Variants in SCAMP3 observed in about 807,000 individuals in gnomAD.
SCAMP3 encodes the protein secretory carrier membrane protein 3.
Under a neutral mutation model 44.1 loss-of-function variants are expected in SCAMP3, and 30 were observed. The observed-to-expected ratio is 0.68, with a 90% CI of 0.51 to 0.92. The LOEUF is 0.92. SCAMP3 is among the 40% of genes least tolerant of loss of function. The probability of loss-of-function intolerance (pLI) is 0.00; values close to 1 mark genes in which losing one functional copy is unlikely to be tolerated. For missense variants in SCAMP3, 394 were observed against 440.0 expected (o/e 0.90, Z 0.93); for synonymous variants, 168 against 171.1 (o/e 0.98, Z 0.14).
rs141316726 is a variant in SCAMP3 at position 155,262,136 on chromosome 1, C to T, written c.16G>A (p.Asp6Asn). MAQSRDGGNPFAEPSE... is the reference protein window; with the variant it reads MAQSRNGGNPFAEPSE... ...GGCTCGGCGAACGGGTTTCCGCCGT[C>T]TCTGCTCTGAGCCATGTTTGCAACT... The change falls in exon 1 of 9, where the codon GAC becomes AAC. Residue 6 changes from aspartate (D) to asparagine (N), a missense_variant. Coordinates refer to ENST00000302631, the MANE Select transcript of SCAMP3 (RefSeq NM_005698.4). 19,412 of 1,613,908 alleles carry T rather than the reference C, an allele frequency of 0.012. 148 individuals carry two copies. Among genetic ancestry groups the T allele is most frequent in the Non-Finnish European group, 0.015 (17,242 of 1,179,988 alleles).
rs527408284 is a variant in SCAMP3, at chr1:155,260,200, C to G, written c.388+130G>C. The G allele has an allele frequency of 2.7e-6, 3 of 1,098,160 alleles. No homozygotes were observed. In the African/African-American group the frequency reaches 4.7e-5, roughly 17 times the overall value. The allele number at this position is 1,098,160 out of a possible 1,614,324, so 68.0% of individuals were successfully genotyped here. ...GTCTCGATCTCTTGACCTCGTGATC[C>G]GCCCACCTCAGCCTCCCAAAGTGCT... On this transcript the variant is annotated intron_variant, in intron 4 of 8. Transcript: ENST00000302631.
Position 155,260,590 on chromosome 1 carries a change from A to C in SCAMP3, c.214T>G (p.Ser72Ala). The C allele has an allele frequency of 6.2e-7, 1 of 1,614,070 alleles. No individual in the cohort carries two copies. Among genetic ancestry groups the C allele is most frequent in the Non-Finnish European group, 8.5e-7 (1 of 1,180,002 alleles). ...GGTTCTGTGGGGCTGAGCTTTCTCG[A>C]GGGCTGCAAGGAGGGAGCTGAGGGT... is the stretch of plus-strand genomic sequence containing the variant. ...PPPSAPSLQP[S>A]RKLSPTEPKN... Residue 72 changes from serine to alanine, a missense_variant, in exon 3 of 9, where the codon TCG becomes GCG. Coordinates refer to ENST00000302631, the MANE Select transcript of SCAMP3 (RefSeq NM_005698.4).
intron 4 of SCAMP3, 71 bp from the exon 5 acceptor site, chr1:155,259,025 C>T: frequency 1.6e-6 from 2 of 1,244,314 alleles, no homozygotes; most frequent in Non-Finnish European, 2.2e-6. Context: ...ACTCCCCCTT[C>T]TCTCCATCCC....
chr1:155,256,222 G>T lies in SCAMP3; in HGVS notation c.*51C>A. ...CAAGTCCCAGAGACCTTAGGGACGG[G>T]AGCTAAGTCAGCTCCCTCAAGTAGC... On this transcript the variant is annotated 3_prime_UTR_variant, in exon 9 of 9. Coordinates refer to ENST00000302631, the MANE Select transcript of SCAMP3 (RefSeq NM_005698.4). 1.3e-6 allele frequency: 2 copies of T among 1,508,166 alleles called. No individual in the cohort carries two copies. Among genetic ancestry groups the T allele is most frequent in the Non-Finnish European group, 1.8e-6 (2 of 1,125,368 alleles). 93.4% of individuals were successfully genotyped at this position (1,508,166 alleles called of 1,614,324 possible).
chr1:155,257,742 C>A (rs1380947682), intron 5 of SCAMP3, 85 bp from the exon 6 acceptor site: 3 of 1,300,498 alleles, frequency 2.3e-6, no homozygotes, highest in Non-Finnish European at 2.1e-6. Context: ...ATAATATTCA[C>A]CAAACATGGC....
Position 155,261,664 on chromosome 1 carries a change from G to A in SCAMP3, c.137C>T (p.Thr46Ile). 6.2e-7 allele frequency: 1 copy of A among 1,613,966 alleles called. No individual in the cohort carries two copies. The highest frequency in any genetic ancestry group is 8.5e-7 in the Non-Finnish European group (1 of 1,179,902). ...TGCTCTCCAGTAGCTCACCTCCCGG[G>A]TCTCAAAAGGGTTGTAGACGTCAAG... Reference protein sequence around the residue: ...ATLDVYNPFETREPPPAYEPP... With the variant: ...ATLDVYNPFEIREPPPAYEPP... The change falls in exon 2 of 9, where the codon ACC becomes ATC. Residue 46 changes from threonine to isoleucine, a missense_variant. Thr to Ile is a moderately conservative substitution (Grantham distance 89). Coordinates refer to ENST00000302631, the MANE Select transcript of SCAMP3 (RefSeq NM_005698.4).
chr1:155,256,624 G>C (rs377328833), intron 8 of SCAMP3, 50 bp downstream of exon 8: 1 of 1,529,906 alleles, frequency 6.5e-7, no homozygotes, highest in African/African-American at 1.4e-5. Context: ...CCACGCCCCT[G>C]GGGACCCATG....
At position 155,262,303 on chromosome 1, in the gene SCAMP3, G is replaced by C. The variant is rs1672991260; in HGVS notation, c.-152C>G. 5 of 679,578 alleles carry C rather than the reference G, an allele frequency of 7.4e-6. No homozygotes were observed. The highest frequency in any genetic ancestry group is 1.2e-5 in the Non-Finnish European group (5 of 411,670). The allele number at this position is 679,578 out of a possible 1,614,324, so 42.1% of individuals were successfully genotyped here. A position where few individuals can be genotyped will look rare whatever the true frequency, so the allele number is the denominator to read the frequency against. ...TTCCACCGACCGGAAGGGCCACAAG[G>C]ATCCCCGCAGCAGCCGTGGGTTGCG... On this transcript the variant is annotated 5_prime_UTR_variant, in exon 1 of 9. In the 5' UTR this introduces an upstream ATG that the reference lacks. Coordinates refer to ENST00000302631, the MANE Select transcript of SCAMP3 (RefSeq NM_005698.4).
chr1:155,260,366 G>C lies in SCAMP3; in HGVS notation c.352C>G (p.Arg118Gly), dbSNP rs201400281. The C allele has an allele frequency of 6.8e-6, 11 of 1,613,064 alleles. No homozygotes were observed. The highest frequency in any genetic ancestry group is 1.3e-5 in the African/African-American group (1 of 74,906). Residue 118 changes from arginine (R) to glycine (G), a missense_variant, in exon 4 of 9, where the codon CGA becomes GGA. Coordinates refer to ENST00000302631, the MANE Select transcript of SCAMP3 (RefSeq NM_005698.4). Reference sequence around the variant, plus strand: ...CCCAGGGCAGCATGCTGCAGCTCTCGCTCCCTTCGGTCCAACTCCTCTGCC... The same window carrying C: ...CCCAGGGCAGCATGCTGCAGCTCTCCCTCCCTTCGGTCCAACTCCTCTGCC... ...RKAEELDRRERELQHAALGGT... is the reference protein window; with the variant it reads ...RKAEELDRREGELQHAALGGT...
intron 2 of SCAMP3, among the ~76,000 whole-genome samples, chr1:155,260,934 T>G (rs1672944343): frequency 6.6e-6 from 1 of 151,754 alleles, no homozygotes. Context: ...TTTCTTTTCT[T>G]CTGGGGATGG....
At chr1:155,261,761 T>G in intron 1 of SCAMP3, 27 bp from the exon 2 acceptor site, 1 of 1,606,198 alleles carries the variant, frequency 6.2e-7, no homozygotes, top group Non-Finnish European at 8.5e-7. Context: ...GGGTCTCAGC[T>G]GGCACCCAGT....
chr1:155,259,166 CTTTTT>C (rs1165041017), intron 4 of SCAMP3, among the ~76,000 whole-genome samples: 1 of 121,674 alleles, frequency 8.2e-6, no homozygotes, highest in Non-Finnish European at 1.7e-5. Context: ...CCCACCTCAG[CTTTTT>C]TTTTTTTTTT....
At chr1:155,261,186 C>T (rs1283967784) in intron 2 of SCAMP3, 1 of 174,116 alleles carries the variant, frequency 5.7e-6, no homozygotes, top group Non-Finnish European at 1.2e-5. Context: ...CCACCTCAGC[C>T]TCCCAAGTGG....
In SCAMP3 at chr1:155,256,633, T is replaced by A. The variant is rs1219218880; in HGVS notation, c.897+41A>T. ...TTCCACCCACGCCCCTGGGGACCCA[T>A]GATCTCACCATCCCGGCCCCACCTT... On this transcript the variant is annotated intron_variant, in intron 8 of 8. Transcript: ENST00000302631. The A allele has an allele frequency of 7.7e-6, 12 of 1,560,352 alleles. No individual in the cohort carries two copies. The African/African-American group carries it at 1.6e-4, about 21-fold the overall frequency.
intron 7 of SCAMP3, 30 bp from the exon 8 acceptor site, chr1:155,256,821 G>A (rs1193862551): frequency 1.4e-5 from 22 of 1,567,382 alleles, no homozygotes; most frequent in East Asian, 2.2e-5. Flanking sequence ...CCAGTGAAGA[G>A]GGGCTCCTCA....
In SCAMP3 at chr1:155,260,627, G is replaced by C; in HGVS notation, c.177C>G (p.Ala59=). 2 of 1,613,710 alleles carry C rather than the reference G, an allele frequency of 1.2e-6. No individual in the cohort carries two copies. Among genetic ancestry groups the C allele is most frequent in the Non-Finnish European group, 1.7e-6 (2 of 1,179,786 alleles). ...PPPAYEPPAP[A]PLPPPSAPSL... is the part of the protein sequence containing the mutation. ...AGGGAGCTGAGGGTGGAGGCAATGG[G>C]GCAGGGGCTGGAGGCTCATAGGCTG... The change falls in exon 3 of 9, where the codon GCC becomes GCG. Residue 59 remains alanine, a synonymous_variant. Transcript: ENST00000302631.
At chr1:155,256,516 G>C in intron 8 of SCAMP3, 97 bp from the exon 9 acceptor site, 1 of 1,447,022 alleles carries the variant, frequency 6.9e-7, no homozygotes, top group African/African-American at 1.4e-5. Flanking sequence ...CTGCTGCCCA[G>C]CACACACACT....
chr1:155,257,633 T>G lies in SCAMP3; in HGVS notation c.542A>C (p.Asn181Thr), dbSNP rs1672841703. 6.4e-7 allele frequency: 1 copy of G among 1,566,966 alleles called. No homozygotes were observed. Among genetic ancestry groups the G allele is most frequent in the Non-Finnish European group, 8.7e-7 (1 of 1,154,806 alleles). ...GAAGCTGGCCAGGCAGGCGAGGAAG[T>G]TCAGGAGAAGAGCCAGCGTGCTGCC... is the stretch of plus-strand genomic sequence containing the variant. ...WMCSTLALLL[N>T]FLACLASFCV... The change falls in exon 6 of 9, where the codon AAC (asparagine) becomes ACC (threonine). Residue 181 changes from asparagine to threonine, a missense_variant. Physicochemically the swap from Asn to Thr is moderately conservative, Grantham distance 65. Transcript: ENST00000302631.
chr1:155,261,365 C>G (rs1167683395), intron 2 of SCAMP3: 1 of 439,474 alleles, frequency 2.3e-6, no homozygotes, highest in African/African-American at 2.0e-5. Flanking sequence ...TCCAACCAGC[C>G]CCAACCTTTA....
Sources: gnomAD v4.1 joint callset for allele counts (sites outside exome capture counted in the v4.1 genomes callset) on GRCh38, gnomAD v4.1.1 for gene constraint, MANE v1.5 for transcripts, NCBI Gene and HGNC (gene_info 2026-07-23, HGNC 2026-07-21) for gene names.